ADAMTS6: variants seen among roughly 807,000 people sequenced by gnomAD.
The protein encoded by ADAMTS6 is A disintegrin and metalloproteinase with thrombospondin motifs 6.
In ADAMTS6, 23 loss-of-function variants were observed where a neutral mutation model predicts 144.3. The ratio of observed to expected loss-of-function variants is 0.16; its 90% CI spans 0.11 to 0.23. The LOEUF is 0.23. ADAMTS6 is among the 10% of genes least tolerant of loss of function. The pLI, the probability that ADAMTS6 is intolerant of heterozygous loss-of-function variation, is 1.00. For synonymous variants in ADAMTS6, 444 were observed against 457.5 expected, an observed-to-expected ratio of 0.97 and a Z score of 0.38; for missense variants, 999 against 1,379.6, an observed-to-expected ratio of 0.72 and a Z score of 4.37.
At chr5:65,394,314 G>C (rs993715062) in intron 7 of ADAMTS6, among the ~76,000 whole-genome samples, 1 of 152,114 alleles carries the variant, frequency 6.6e-6, no homozygotes, top group Non-Finnish European at 1.5e-5. Context: ...AAAGATGCCC[G>C]GCCATCCCCC....
At chr5:65,170,556 C>G (rs1008616910) in intron 24 of ADAMTS6, 61 bp downstream of exon 24, 8 of 1,580,812 alleles carry the variant, frequency 5.1e-6, no homozygotes, top group Non-Finnish European at 6.9e-6. Context: ...CTCTTCAGAC[C>G]CTGGGAACAG....
At chr5:65,246,046 A>G (rs1019431486) in intron 14 of ADAMTS6, among the ~76,000 whole-genome samples, 4 of 152,348 alleles carry the variant, frequency 2.6e-5, no homozygotes, top group Non-Finnish European at 5.9e-5. Flanking sequence ...TCTAATTTGC[A>G]TAAGATGCTT....
At chr5:65,160,695 C>A (rs1235224860) in intron 24 of ADAMTS6, among the ~76,000 whole-genome samples, 6 of 141,540 alleles carry the variant, frequency 4.2e-5, no homozygotes, top group African/African-American at 8.0e-5. Context: ...TCTTGTTGCC[C>A]AGGCTGGAGT....
rs149843490 is a variant in ADAMTS6 at position 65,309,591 on chromosome 5, T to TACACACAC, written c.1224-9468_1224-9461dup. Among the ~76,000 whole-genome samples the TACACACAC allele has an allele frequency of 7.0e-3, 1,036 of 147,286 alleles. 11 individuals carry two copies. Among genetic ancestry groups the TACACACAC allele is most frequent in the African/African-American group, 0.024 (966 of 40,432 alleles). On this transcript the variant is annotated intron_variant, in intron 9 of 24. Coordinates refer to ENST00000381055, the MANE Select transcript of ADAMTS6 (RefSeq NM_197941.4). ...CCATGGTTGGGGACCCCTGTTATAA[T>TACACACAC]ACACACACACACACACACACACACA...
chr5:65,466,305 GT>G (rs1759997231), intron 3 of ADAMTS6, among the ~76,000 whole-genome samples: 1 of 152,050 alleles, frequency 6.6e-6, no homozygotes, highest in African/African-American at 2.4e-5. Flanking sequence ...CCTCCATGCT[GT>G]TCCTCAAACA....
At position 65,408,461 on chromosome 5, in the gene ADAMTS6, T is replaced by C. The variant is rs151103655; in HGVS notation, c.1073+43014A>G. Among the ~76,000 whole-genome samples, 202 of 152,294 alleles carry C rather than the reference T, an allele frequency of 1.3e-3. 3 individuals are homozygous for C. The East Asian group carries it at 0.037, about 28-fold the overall frequency. On this transcript the variant is annotated intron_variant, in intron 7 of 24. Transcript: ENST00000381055. ...CAAGAAGAGCTAACTATCTTAAATA[T>C]ATATGCACCCAATACAGGAACACCC...
chr5:65,478,414 A>G (rs989527427), intron 1 of ADAMTS6, among the ~76,000 whole-genome samples: 2 of 152,238 alleles, frequency 1.3e-5, no homozygotes, highest in Non-Finnish European at 2.9e-5. Context: ...TGGAAAGCAC[A>G]AAGGCTTTGA....
At chr5:65,227,658 T>C (rs1730822756) in intron 15 of ADAMTS6, among the ~76,000 whole-genome samples, 2 of 152,168 alleles carry the variant, frequency 1.3e-5, no homozygotes, top group African/African-American at 2.4e-5. Context: ...GACTGGGTGG[T>C]AGAGTCAATG....
rs893993571 is a variant in ADAMTS6 at position 65,459,123 on chromosome 5, C to T, written c.631+1047G>A. On this transcript the variant is annotated intron_variant, in intron 4 of 24. Transcript: ENST00000381055. ...AACTCCTGGGCTCAAGCTATCCTCCCGCCTCTTGCCTCCCTGAGAGCTGGG... is the reference window on the plus strand; with the variant it reads ...AACTCCTGGGCTCAAGCTATCCTCCTGCCTCTTGCCTCCCTGAGAGCTGGG... Among the ~76,000 whole-genome samples, 9 of 152,000 alleles carry T rather than the reference C, an allele frequency of 5.9e-5. No homozygotes were observed. In the South Asian group the frequency reaches 1.7e-3, roughly 28 times the overall value.
intron 7 of ADAMTS6, among the ~76,000 whole-genome samples, chr5:65,404,216 TACAAATGCC>T (rs1754211259): frequency 6.6e-6 from 1 of 152,150 alleles, no homozygotes; most frequent in Non-Finnish European, 1.5e-5. Context: ...TACATATGTA[TACAAATGCC>T]ATGTTGGTGT....
intron 22 of ADAMTS6, 25 bp downstream of exon 22, chr5:65,187,991 T>TACATATAGCCTCAGATTTCCC (rs1754776608): frequency 1.9e-6 from 3 of 1,611,132 alleles, no homozygotes; most frequent in Admixed American, 3.3e-5. Context: ...TCAAAACATA[T>TACATATAGCCTCAGATTTCCC]ACATATAGCC....
chr5:65,453,546 T>A (rs551354381), intron 4 of ADAMTS6, among the ~76,000 whole-genome samples: 1 of 152,334 alleles, frequency 6.6e-6, no homozygotes, highest in East Asian at 1.9e-4. Flanking sequence ...GACATTCAAT[T>A]ATAGTTGAAA....
At chr5:65,464,806 A>G (rs1170515179) in intron 3 of ADAMTS6, among the ~76,000 whole-genome samples, 1 of 152,138 alleles carries the variant, frequency 6.6e-6, no homozygotes, top group Admixed American at 6.5e-5. Context: ...CCATTCTTCT[A>G]TCTTTCTAAA....
At chr5:65,201,348 A>G (rs1580039150) in intron 20 of ADAMTS6, among the ~76,000 whole-genome samples, 1 of 152,168 alleles carries the variant, frequency 6.6e-6, no homozygotes, top group Non-Finnish European at 1.5e-5. Flanking sequence ...CTTCTTTCAG[A>G]GAATTAAATA....
At chr5:65,315,953 C>G (rs1372023987) in intron 9 of ADAMTS6, among the ~76,000 whole-genome samples, 1 of 152,126 alleles carries the variant, frequency 6.6e-6, no homozygotes, top group Non-Finnish European at 1.5e-5. Context: ...GCTCTGTCGC[C>G]CAGGCTGGAG....
chr5:65,214,809 C>T lies in ADAMTS6; in HGVS notation c.2560G>A (p.Ala854Thr), dbSNP rs1756793334. 1 of 1,613,986 alleles carries T rather than the reference C, an allele frequency of 6.2e-7. No homozygotes were observed. The highest frequency in any genetic ancestry group is 8.5e-7 in the Non-Finnish European group (1 of 1,180,012). ...WNHQPWSECS[A>T]TCAGGVQRQE... is the part of the protein sequence containing the mutation. The stretch of plus-strand genomic sequence containing the variant: ...GGCATCTTACCTCCAGCACAAGTAG[C>T]TGAGCATTCTGACCAAGGCTGATGA... Residue 854 changes from alanine (A) to threonine (T), a missense_variant, in exon 20 of 25, where the codon GCT becomes ACT. Around this residue, in one of 3 missense-constraint regions of ADAMTS6, gnomAD observed 619 missense variants for 837.0 expected, o/e 0.74. Transcript: ENST00000381055. The surrounding 1 kb of genome is among the most constrained non-coding windows in gnomAD (Gnocchi z 4.6).
At chr5:65,296,948 G>T (rs10063048) in intron 10 of ADAMTS6, among the ~76,000 whole-genome samples, 44,257 of 151,988 alleles carry the variant, frequency 0.29, 6,676 homozygotes, top group Admixed American at 0.37. Flanking sequence ...GGTGGAAAAT[G>T]TATGAAAAAC....
intron 14 of ADAMTS6, among the ~76,000 whole-genome samples, chr5:65,244,765 G>A (rs184276457): frequency 2.0e-5 from 3 of 152,230 alleles, no homozygotes; most frequent in Non-Finnish European, 2.9e-5. Context: ...ATACTTTCAC[G>A]ATAAGTGTGG....
intron 12 of ADAMTS6, among the ~76,000 whole-genome samples, chr5:65,267,033 ATAAT>A (rs1761677387): frequency 1.3e-5 from 2 of 152,170 alleles, no homozygotes; most frequent in East Asian, 1.9e-4. Context: ...AATGAGTAGA[ATAAT>A]TAGATTACAC....
Sources: allele counts gnomAD v4.1 joint callset (sites outside exome capture counted in the v4.1 genomes callset), GRCh38; gene constraint gnomAD v4.1.1; regional missense constraint gnomAD v4.1.1; non-coding constraint Gnocchi (gnomAD v3.1); transcripts MANE v1.5; gene names NCBI Gene and HGNC (gene_info 2026-07-23, HGNC 2026-07-21).